The following ADGRL3 variants were observed in gnomAD, a reference collection of about 807,000 sequenced individuals.
The protein encoded by ADGRL3 is calcium-independent alpha-latrotoxin receptor 3.
A neutral mutation model predicts 153.5 loss-of-function variants in ADGRL3; 62 were observed. The ratio of observed to expected loss-of-function variants is 0.40; its 90% confidence interval spans 0.33 to 0.50. The LOEUF is 0.50. ADGRL3 is among the 20% of genes least tolerant of loss of function. The pLI is 0.47. For missense variants in ADGRL3, 1,641 were observed against 1,859.4 expected (o/e 0.88, Z 2.16); for synonymous variants, 710 against 672.5 (o/e 1.06, Z -0.86).
intron 8 of ADGRL3, among the ~76,000 whole-genome samples, chr4:61,754,626 A>AT (rs377737189): frequency 4.7e-5 from 7 of 148,480 alleles, no homozygotes; most frequent in African/African-American, 1.8e-4. Flanking sequence ...ATATTTATTT[A>AT]TTATTATTAT....
intron 23 of ADGRL3, among the ~76,000 whole-genome samples, chr4:62,034,735 C>T (rs986861796): frequency 2.0e-5 from 3 of 151,842 alleles, no homozygotes; most frequent in African/African-American, 7.2e-5. Flanking sequence ...TTTCAACTTA[C>T]TCATAAAATT....
At chr4:61,916,982 A>G (rs1356394000) in intron 13 of ADGRL3, among the ~76,000 whole-genome samples, 1 of 152,104 alleles carries the variant, frequency 6.6e-6, no homozygotes, top group African/African-American at 2.4e-5. Flanking sequence ...AAATAAATTT[A>G]TTTATTAGGC....
chr4:61,481,562 C>T (rs1178932506), intron 2 of ADGRL3, among the ~76,000 whole-genome samples: 1 of 151,200 alleles, frequency 6.6e-6, no homozygotes, highest in Non-Finnish European at 1.5e-5. Flanking sequence ...AAAATTAATC[C>T]ATGGAAACCT....
At chr4:62,066,623 AG>A (rs1209172502) in intron 25 of ADGRL3, among the ~76,000 whole-genome samples, 1 of 152,128 alleles carries the variant, frequency 6.6e-6, no homozygotes, top group African/African-American at 2.4e-5. Context: ...TAATTTAGAG[AG>A]GAAGTCATGA....
In ADGRL3 at chr4:61,756,162, G is replaced by A. The variant is rs182953578; in HGVS notation, c.1399+22608G>A. 3.5e-4 allele frequency among the ~76,000 whole-genome samples: 53 copies of A among 152,220 alleles called. 1 individual carries two copies. The East Asian group carries it at 6.8e-3, about 19-fold the overall frequency. On this transcript the variant is annotated intron_variant, in intron 8 of 26. Coordinates refer to ENST00000683033, the MANE Select transcript of ADGRL3 (RefSeq NM_001387552.1). ...TTTTTCCAGTTCTGTGGAGAAAGTCGTTGGTAGATTGATGGGGATGGCGTT... is the reference window on the plus strand; with the variant it reads ...TTTTTCCAGTTCTGTGGAGAAAGTCATTGGTAGATTGATGGGGATGGCGTT...
At chr4:61,627,508 C>A (rs2092906363) in intron 5 of ADGRL3, among the ~76,000 whole-genome samples, 1 of 152,078 alleles carries the variant, frequency 6.6e-6, no homozygotes, top group African/African-American at 2.4e-5. Context: ...GTGATCCCAG[C>A]TACTCGGGAG....
chr4:61,373,543 A>T (rs79729441), intron 1 of ADGRL3, among the ~76,000 whole-genome samples: 1,895 of 152,272 alleles, frequency 0.012, 47 homozygotes, highest in African/African-American at 0.043. Flanking sequence ...TTGAATGCAT[A>T]CTTCAAAACG....
chr4:61,474,037 A>C (rs564078306), intron 2 of ADGRL3, among the ~76,000 whole-genome samples: 4 of 152,224 alleles, frequency 2.6e-5, no homozygotes, highest in African/African-American at 7.2e-5. Flanking sequence ...GGAAAAAAAA[A>C]ATCTGTGAAT....
intron 1 of ADGRL3, among the ~76,000 whole-genome samples, chr4:61,326,035 G>C (rs1032893242): frequency 2.0e-5 from 3 of 152,158 alleles, no homozygotes; most frequent in African/African-American, 7.2e-5. Context: ...CCTCAGCTAA[G>C]ATGAGAACCC....
chr4:61,585,150 C>T (rs995797227), intron 4 of ADGRL3, among the ~76,000 whole-genome samples: 24 of 151,712 alleles, frequency 1.6e-4, no homozygotes, highest in African/African-American at 5.5e-4. Flanking sequence ...TATGTGTGTG[C>T]ACACAATAAA....
intron 9 of ADGRL3, among the ~76,000 whole-genome samples, chr4:61,869,960 A>AAAAAAAAAAAAAAAG (rs1554051477): frequency 4.2e-4 from 43 of 101,864 alleles, no homozygotes; most frequent in Non-Finnish European, 5.6e-4. Context: ...AAAAAAAAAA[A>AAAAAAAAAAAAAAAG]AGAGAGAGAG....
chr4:61,473,545 T>C (rs1285537144), intron 2 of ADGRL3, among the ~76,000 whole-genome samples: 1 of 152,018 alleles, frequency 6.6e-6, no homozygotes, highest in African/African-American at 2.4e-5. Flanking sequence ...TAAAAGTTAT[T>C]GTGGCTCAGC....
At chr4:61,856,992 C>CT (rs1193277389) in intron 9 of ADGRL3, among the ~76,000 whole-genome samples, 1 of 121,728 alleles carries the variant, frequency 8.2e-6, no homozygotes, top group Non-Finnish European at 1.7e-5. Flanking sequence ...TTCTTTCTTT[C>CT]TTTCTTTCTT....
rs193060109 is a variant in ADGRL3, at chr4:61,970,056, A to G, written c.2806-9507A>G. On this transcript the variant is annotated intron_variant, in intron 17 of 26. Transcript: ENST00000683033. The stretch of plus-strand genomic sequence containing the variant: ...AGTTGGTTGCCCTATTATTAATTCT[A>G]TCTCTACTGCATACTAGTAGAATGA... Among the ~76,000 whole-genome samples, 48 of 152,244 alleles carry G rather than the reference A, an allele frequency of 3.2e-4. No individual in the cohort carries two copies. The East Asian group carries it at 8.3e-3, about 26-fold the overall frequency.
chr4:61,720,279 G>A (rs2096216226), intron 6 of ADGRL3, among the ~76,000 whole-genome samples: 1 of 151,418 alleles, frequency 6.6e-6, no homozygotes. Context: ...TAGTAGAGAT[G>A]GGGTTTCACC....
rs1577772467 is a variant in ADGRL3, at chr4:62,070,514, A to G, written c.4238A>G (p.Asn1413Ser). The change falls in exon 27 of 27, where the codon AAC becomes AGC. Residue 1413 changes from asparagine (N) to serine (S), a missense_variant. Around this residue, in one of 5 missense-constraint regions of ADGRL3, gnomAD observed 517 missense variants for 555.0 expected, o/e 0.93. Transcript: ENST00000683033. ...CCCCCAAGAGTATACTCCACCGAGA[A>G]CCACCAGCCACACCATTATACCAGA... Reference protein sequence around the residue: ...LLPPRVYSTENHQPHHYTRRR... With the variant: ...LLPPRVYSTESHQPHHYTRRR... 1 of 1,551,168 alleles carries G rather than the reference A, an allele frequency of 6.4e-7. No homozygotes were observed. The highest frequency in any genetic ancestry group is 8.7e-7 in the Non-Finnish European group (1 of 1,146,886).
At chr4:61,678,712 A>C (rs1242651896) in intron 6 of ADGRL3, among the ~76,000 whole-genome samples, 1 of 151,968 alleles carries the variant, frequency 6.6e-6, no homozygotes, top group Non-Finnish European at 1.5e-5. Flanking sequence ...ATATTTATCT[A>C]ATAATTTTAT....
rs558509629 is a variant in ADGRL3, at chr4:61,715,248, A to T, written c.584-15374A>T. 2.0e-5 allele frequency among the ~76,000 whole-genome samples: 3 copies of T among 152,172 alleles called. No individual in the cohort carries two copies. The South Asian group carries it at 6.2e-4, about 31-fold the overall frequency. ...GTTCTGGTTAACACTGTAATTGAAG[A>T]TGTCTTACTCAAAGATCTAAGTGGC... On this transcript the variant is annotated intron_variant, in intron 6 of 26. Coordinates refer to ENST00000683033, the MANE Select transcript of ADGRL3 (RefSeq NM_001387552.1).
intron 4 of ADGRL3, among the ~76,000 whole-genome samples, chr4:61,549,619 T>G (rs1579470276): frequency 1.7e-5 from 1 of 60,148 alleles, no homozygotes; most frequent in South Asian, 8.1e-4. Flanking sequence ...ATTTTTTATG[T>G]TTTTTTTCTT....
Sources: allele counts gnomAD v4.1 joint callset (sites outside exome capture counted in the v4.1 genomes callset), GRCh38; gene constraint gnomAD v4.1.1; regional missense constraint gnomAD v4.1.1; transcripts MANE v1.5; gene names NCBI Gene and HGNC (gene_info 2026-07-23, HGNC 2026-07-21).